The following CSMD3 variants were observed in gnomAD, a reference collection of about 807,000 sequenced individuals.
CSMD3 encodes CUB and sushi domain-containing protein 3.
In CSMD3, 177 loss-of-function variants were observed where a neutral mutation model predicts 435.2. The ratio of observed to expected loss-of-function variants is 0.41; its 90% confidence interval spans 0.36 to 0.46. The LOEUF is 0.46. Among genes scored for constraint, CSMD3 ranks in the 20% least tolerant of loss-of-function variants. The pLI is 0.34. For missense variants in CSMD3, 4,265 were observed against 4,504.6 expected (o/e 0.95, Z 1.52); for synonymous variants, 1,656 against 1,520.5 (o/e 1.09, Z -2.07).
chr8:112,440,060 G>A (rs1814826458), intron 32 of CSMD3, among the ~76,000 whole-genome samples: 1 of 152,042 alleles, frequency 6.6e-6, no homozygotes, highest in South Asian at 2.1e-4. Context: ...AACCCAAAAG[G>A]CCAAGTTCAA....
At chr8:112,968,699 T>C (rs1281086319) in intron 7 of CSMD3, among the ~76,000 whole-genome samples, 1 of 152,010 alleles carries the variant, frequency 6.6e-6, no homozygotes, top group Non-Finnish European at 1.5e-5. Context: ...TTCTCTGTAA[T>C]CTAATCTCTA....
At chr8:112,977,434 A>G (rs2084895206) in intron 6 of CSMD3, among the ~76,000 whole-genome samples, 1 of 152,100 alleles carries the variant, frequency 6.6e-6, no homozygotes, top group Admixed American at 6.6e-5. Flanking sequence ...GAGAAAAAAA[A>G]GCAATGTCAA....
At chr8:112,495,760 T>C (rs1821272693) in intron 30 of CSMD3, among the ~76,000 whole-genome samples, 1 of 152,090 alleles carries the variant, frequency 6.6e-6, no homozygotes. Flanking sequence ...TTTTTCTGCT[T>C]AATAGTGATT....
chr8:113,134,438 T>A (rs1312938226), intron 4 of CSMD3, among the ~76,000 whole-genome samples: 3 of 152,080 alleles, frequency 2.0e-5, no homozygotes, highest in Non-Finnish European at 2.9e-5. Context: ...CTCATCTCAT[T>A]GCATCACACA....
At chr8:112,934,430 T>C (rs1256583109) in intron 9 of CSMD3, among the ~76,000 whole-genome samples, 1 of 152,182 alleles carries the variant, frequency 6.6e-6, no homozygotes, top group Admixed American at 6.5e-5. Context: ...AACACAGATA[T>C]CCATCATGAA....
intron 3 of CSMD3, among the ~76,000 whole-genome samples, chr8:113,213,511 GTT>G (rs148914391): frequency 6.8e-6 from 1 of 146,758 alleles, no homozygotes. Context: ...TCTTTTGTGT[GTT>G]TTTTTTTTAG....
At chr8:112,860,945 C>G (rs75120631) in intron 10 of CSMD3, among the ~76,000 whole-genome samples, 7,351 of 151,914 alleles carry the variant, frequency 0.048, 235 homozygotes, top group African/African-American at 0.058. Flanking sequence ...GCTCTCAAAT[C>G]TACATCACCA....
intron 22 of CSMD3, among the ~76,000 whole-genome samples, chr8:112,621,947 G>A (rs529185578): frequency 2.0e-5 from 3 of 152,184 alleles, no homozygotes; most frequent in Admixed American, 2.0e-4. Flanking sequence ...CATGCCATAG[G>A]AGTAGTGAGT....
chr8:112,746,557 T>G (rs898235768), intron 13 of CSMD3, among the ~76,000 whole-genome samples: 2 of 152,212 alleles, frequency 1.3e-5, no homozygotes, highest in Non-Finnish European at 2.9e-5. Flanking sequence ...ATATATAGTG[T>G]TGTTCTTTCT....
At chr8:112,254,487 T>C (rs938492267) in intron 62 of CSMD3, among the ~76,000 whole-genome samples, 161 bp from the exon 63 acceptor site, 2 of 152,094 alleles carry the variant, frequency 1.3e-5, no homozygotes, top group Non-Finnish European at 2.9e-5. Flanking sequence ...AGAAGCCTGT[T>C]AATCTTGAAG....
chr8:112,942,235 TAA>T lies in CSMD3; in HGVS notation c.1508+5553_1508+5554del, dbSNP rs4028274. ...ATTGTTGGTAAACCCATGTTTAGTT[TAA>T]AAAAAAAAAAAAAAACTGTCAACGG... On this transcript the variant is annotated intron_variant, in intron 9 of 70. Coordinates refer to ENST00000297405, the MANE Select transcript of CSMD3 (RefSeq NM_198123.2). Among the ~76,000 whole-genome samples, 1,323 of 140,690 alleles carry T rather than the reference TAA, an allele frequency of 9.4e-3. 10 individuals are homozygous for T. The highest frequency in any genetic ancestry group is 0.026 in the African/African-American group (985 of 38,336). 92.3% of individuals were successfully genotyped at this position (140,690 alleles called of 152,430 possible).
At chr8:112,554,896 A>G (rs1827983447) in intron 25 of CSMD3, among the ~76,000 whole-genome samples, 1 of 152,028 alleles carries the variant, frequency 6.6e-6, no homozygotes, top group South Asian at 2.1e-4. Context: ...AGGCTAAAAC[A>G]TAGCTGTAGA....
At chr8:112,732,729 G>T (rs977444309) in intron 13 of CSMD3, among the ~76,000 whole-genome samples, 5 of 146,506 alleles carry the variant, frequency 3.4e-5, no homozygotes, top group Non-Finnish European at 7.5e-5. Flanking sequence ...AAAAAGAAAA[G>T]AATAGATATT....
chr8:112,786,125 T>C (rs2355823), intron 13 of CSMD3, among the ~76,000 whole-genome samples: 50,599 of 151,788 alleles, frequency 0.33, 9,287 homozygotes, highest in African/African-American at 0.5. Flanking sequence ...AATAAATCCA[T>C]ACATTTGCAA....
At chr8:112,913,770 T>G (rs1370968230) in intron 10 of CSMD3, among the ~76,000 whole-genome samples, 1 of 151,776 alleles carries the variant, frequency 6.6e-6, no homozygotes, top group Non-Finnish European at 1.5e-5. Context: ...CTTTAATGTC[T>G]TACATTTTTC....
At chr8:113,341,336 C>T (rs2132846306) in intron 1 of CSMD3, among the ~76,000 whole-genome samples, 2 of 152,164 alleles carry the variant, frequency 1.3e-5, no homozygotes, top group African/African-American at 4.8e-5. Context: ...CACCTGTTGA[C>T]CAGCAGCAAA....
chr8:112,478,120 C>T (rs1156580922), intron 31 of CSMD3, among the ~76,000 whole-genome samples: 6 of 152,138 alleles, frequency 3.9e-5, no homozygotes, highest in Admixed American at 1.3e-4. Context: ...CCACCATGAT[C>T]GTGAGGCCTA....
At chr8:112,867,736 T>G (rs1240759678) in intron 10 of CSMD3, among the ~76,000 whole-genome samples, 1 of 152,096 alleles carries the variant, frequency 6.6e-6, no homozygotes, top group Non-Finnish European at 1.5e-5. Flanking sequence ...TACACCTGTA[T>G]AGGGGCACTT....
chr8:112,722,032 C>A (rs1180494613), intron 13 of CSMD3, among the ~76,000 whole-genome samples: 1 of 151,774 alleles, frequency 6.6e-6, no homozygotes, highest in Non-Finnish European at 1.5e-5. Flanking sequence ...GACGTAACTT[C>A]ACTTTTTTTA....
Sources: allele counts gnomAD v4.1 joint callset (sites outside exome capture counted in the v4.1 genomes callset), GRCh38; gene constraint gnomAD v4.1.1; transcripts MANE v1.5; gene names NCBI Gene and HGNC (gene_info 2026-07-23, HGNC 2026-07-21).